Variants in ZNF160 observed in about 807,000 individuals in gnomAD.
ZNF160 encodes the protein KRAB zinc finger protein KR18.
Under a neutral mutation model 13.1 loss-of-function variants are expected in ZNF160, and 9 were observed. The observed-to-expected ratio is 0.69, with a 90% CI of 0.41 to 1.20. The LOEUF (loss-of-function observed/expected upper bound fraction) is 1.20. Ranked by LOEUF, ZNF160 falls within the 50% of genes most tolerant of loss-of-function variation. The pLI, the probability that ZNF160 is intolerant of heterozygous loss-of-function variation, is 0.01. For synonymous variants in ZNF160, 293 were observed against 333.2 expected, an observed-to-expected ratio of 0.88 and a Z score of 1.31; for missense variants, 838 against 988.0, an observed-to-expected ratio of 0.85 and a Z score of 2.04.
chr19:53,073,635 G>C lies in ZNF160; in HGVS notation c.271+505C>G. ...GCACCATATGGAATTAAATACAGAG[G>C]GAGAGACCAAGAAAGAAAGCAGTTT... On this transcript the variant is annotated intron_variant, in intron 5 of 5. Coordinates refer to ENST00000683776, the MANE Select transcript of ZNF160 (RefSeq NM_001322131.2). 2.3e-6 allele frequency: 3 copies of C among 1,281,566 alleles called. No homozygotes were observed. The East Asian group carries it at 7.9e-5, about 34-fold the overall frequency. The allele number at this position is 1,281,566 out of a possible 1,614,324, so 79.4% of individuals were successfully genotyped here.
Position 53,068,370 on chromosome 19 carries a change from T to A in ZNF160, c.2164A>T (p.Thr722Ser), listed in dbSNP as rs773432850. Residue 722 changes from threonine to serine, a missense_variant, in exon 6 of 6, where the codon ACC (threonine) becomes TCC (serine). Thr to Ser is a moderately conservative substitution (Grantham distance 58). Coordinates refer to ENST00000683776, the MANE Select transcript of ZNF160 (RefSeq NM_001322131.2). ...TTCCCAGTATGGATTGCCTGATGGG[T>A]GGTTAGGCTTGAACGAACACTGAAG... is the stretch of plus-strand genomic sequence containing the variant. Reference protein sequence around the residue: ...KAFSVRSSLTTHQAIHTGKKP... With the variant: ...KAFSVRSSLTSHQAIHTGKKP... 32 of 1,613,968 alleles carry A rather than the reference T, an allele frequency of 2.0e-5. No individual in the cohort carries two copies. Among genetic ancestry groups the A allele is most frequent in the Non-Finnish European group, 2.7e-5 (32 of 1,179,994 alleles).
chr19:53,075,915 C>A, intron 3 of ZNF160: 1 of 454,008 alleles, frequency 2.2e-6, no homozygotes, highest in Admixed American at 2.3e-5. Flanking sequence ...GAGCCCTCAG[C>A]CTATGGGAGC....
intron 3 of ZNF160, among the ~76,000 whole-genome samples, chr19:53,078,206 C>T (rs560078031): frequency 4.0e-5 from 6 of 151,888 alleles, no homozygotes; most frequent in Non-Finnish European, 7.4e-5. Context: ...CACCACTGCA[C>T]TCCAGCCTGG....
At position 53,067,839 on chromosome 19, in the gene ZNF160, T is replaced by A. The variant is rs559446720; in HGVS notation, c.*238A>T. 2.6e-5 allele frequency: 12 copies of A among 470,582 alleles called. No individual in the cohort carries two copies. The highest frequency in any genetic ancestry group is 1.7e-4 in the African/African-American group (9 of 51,452). 29.2% of individuals were successfully genotyped at this position (470,582 alleles called of 1,614,324 possible). On this transcript the variant is annotated 3_prime_UTR_variant, in exon 6 of 6. Coordinates refer to ENST00000683776, the MANE Select transcript of ZNF160 (RefSeq NM_001322131.2). ...CACTGGGTAATGGCCTCAGGATGCA[T>A]ATTACATTTGTTTCGTTTCATCAAA...
intron 4 of ZNF160, among the ~76,000 whole-genome samples, chr19:53,074,817 AAC>A (rs1206670060): frequency 6.6e-6 from 1 of 152,188 alleles, no homozygotes; most frequent in African/African-American, 2.4e-5. Flanking sequence ...TCAAAAGTCT[AAC>A]ACAATGTATT....
chr19:53,075,015 G>C (rs375055057), intron 4 of ZNF160, 42 bp downstream of exon 4: 1 of 1,613,032 alleles, frequency 6.2e-7, no homozygotes, highest in Non-Finnish European at 8.5e-7. Flanking sequence ...TGCAACAATA[G>C]ACAAGAACAG....
intron 3 of ZNF160, among the ~76,000 whole-genome samples, chr19:53,078,940 AC>A (rs2084514989): frequency 6.6e-6 from 1 of 152,194 alleles, no homozygotes; most frequent in East Asian, 1.9e-4. Flanking sequence ...ACAACAAAAA[AC>A]AATTGTATGA....
intron 2 of ZNF160, among the ~76,000 whole-genome samples, chr19:53,087,582 C>G (rs568673524): frequency 9.2e-5 from 14 of 152,196 alleles, no homozygotes; most frequent in South Asian, 2.1e-4. Context: ...GAGAGTTTCA[C>G]TCTTGTTGCC....
At chr19:53,071,678 A>G (rs1288229905) in intron 5 of ZNF160, among the ~76,000 whole-genome samples, 1 of 151,964 alleles carries the variant, frequency 6.6e-6, no homozygotes, top group Non-Finnish European at 1.5e-5. Flanking sequence ...AAAATAAAAA[A>G]AAAATCGGGC....
chr19:53,068,305 A>G lies in ZNF160; in HGVS notation c.2229T>C (p.Thr743=), dbSNP rs1479775926. The change falls in exon 6 of 6, where the codon ACT becomes ACC. Residue 743 remains threonine, a synonymous_variant. Coordinates refer to ENST00000683776, the MANE Select transcript of ZNF160 (RefSeq NM_001322131.2). ...GGTGATTTGCCAGGTGAGCATTTTG[A>G]GTAAAGACCTTGCCACATTCATTAC... The part of the protein sequence containing the change: ...YKCNECGKVF[T]QNAHLANHRR... 1 of 1,613,800 alleles carries G rather than the reference A, an allele frequency of 6.2e-7. No individual in the cohort carries two copies. The highest frequency in any genetic ancestry group is 8.5e-7 in the Non-Finnish European group (1 of 1,179,952).
chr19:53,092,345 C>T (rs1387835158), intron 1 of ZNF160, among the ~76,000 whole-genome samples: 1 of 152,008 alleles, frequency 6.6e-6, no homozygotes, highest in Non-Finnish European at 1.5e-5. Flanking sequence ...GAGTCTCCCT[C>T]TGTCGCTCAG....
intron 2 of ZNF160, among the ~76,000 whole-genome samples, chr19:53,090,338 C>T (rs1393696251): frequency 5.3e-5 from 8 of 152,278 alleles, no homozygotes; most frequent in Non-Finnish European, 1.5e-5. Context: ...CTCCCTGCCC[C>T]ACACTTTCTC....
At chr19:53,073,590 C>A in intron 5 of ZNF160, 1 of 1,460,270 alleles carries the variant, frequency 6.8e-7, no homozygotes. Context: ...CCCCTCTGAC[C>A]CATATGGACT....
At chr19:53,078,483 G>A (rs1223260609) in intron 3 of ZNF160, among the ~76,000 whole-genome samples, 5 of 152,056 alleles carry the variant, frequency 3.3e-5, no homozygotes, top group African/African-American at 1.2e-4. Context: ...ATGTGTGCCT[G>A]TAATCCCAGC....
intron 5 of ZNF160, 77 bp from the exon 6 acceptor site, chr19:53,070,339 C>A: frequency 7.5e-7 from 1 of 1,341,990 alleles, no homozygotes; most frequent in South Asian, 1.6e-5. Flanking sequence ...AAAACATATT[C>A]CACCAAAAGT....
intron 1 of ZNF160, among the ~76,000 whole-genome samples, chr19:53,098,391 G>A (rs900120210): frequency 5.3e-5 from 8 of 150,874 alleles, no homozygotes; most frequent in South Asian, 2.1e-4. Flanking sequence ...GGACACAAGC[G>A]ATGCGGCAGG....
chr19:53,096,534 T>C (rs1018080547), intron 1 of ZNF160, among the ~76,000 whole-genome samples: 1 of 147,664 alleles, frequency 6.8e-6, no homozygotes, highest in African/African-American at 2.5e-5. Flanking sequence ...AAAAGAAGAG[T>C]TTGTCTCTGT....
At chr19:53,102,406 T>C (rs1313571666) in intron 1 of ZNF160, among the ~76,000 whole-genome samples, 2 of 152,108 alleles carry the variant, frequency 1.3e-5, no homozygotes. Flanking sequence ...ACCACGCAGC[T>C]CTGTCTGCCC....
At chr19:53,094,889 G>A (rs1600909500) in intron 1 of ZNF160, among the ~76,000 whole-genome samples, 2 of 152,224 alleles carry the variant, frequency 1.3e-5, no homozygotes, top group East Asian at 1.9e-4. Flanking sequence ...GCCAAGAGGA[G>A]TAGAGAGCCC....
Sources: allele counts gnomAD v4.1 joint callset (sites outside exome capture counted in the v4.1 genomes callset), GRCh38; gene constraint gnomAD v4.1.1; transcripts MANE v1.5; gene names NCBI Gene and HGNC (gene_info 2026-07-23, HGNC 2026-07-21).